Variants in PLCG2 observed in about 807,000 individuals in gnomAD.
The protein encoded by PLCG2 is 1-phosphatidylinositol 4,5-bisphosphate phosphodiesterase gamma-2.
A neutral mutation model predicts 175.6 loss-of-function variants in PLCG2; 69 were observed. That is an observed-to-expected ratio of 0.39 (90% CI 0.32 to 0.48). The LOEUF (loss-of-function observed/expected upper bound fraction) is 0.48. Among genes scored for constraint, PLCG2 ranks in the 20% least tolerant of loss-of-function variants. The pLI is 0.91. For missense variants in PLCG2, 1,798 were observed against 1,650.9 expected (o/e 1.09, Z -1.54); for synonymous variants, 827 against 624.0 (o/e 1.33, Z -4.85).
At chr16:81,846,781 C>T (rs72832066) in intron 2 of PLCG2, among the ~76,000 whole-genome samples, 4,420 of 152,272 alleles carry the variant, frequency 0.029, 80 homozygotes, top group South Asian at 0.044. Flanking sequence ...AATTCACATT[C>T]AATACAGCAC....
At chr16:81,873,985 A>G (rs1907645388) in intron 7 of PLCG2, among the ~76,000 whole-genome samples, 1 of 152,180 alleles carries the variant, frequency 6.6e-6, no homozygotes, top group Non-Finnish European at 1.5e-5. Context: ...ACAAAATGTC[A>G]GAACCCTCTG....
At chr16:81,916,580 AT>A (rs879866539) in intron 19 of PLCG2, among the ~76,000 whole-genome samples, 6 of 123,528 alleles carry the variant, frequency 4.9e-5, no homozygotes, top group African/African-American at 2.6e-5. Context: ...ACACTTAACC[AT>A]TTTTTTTTTG....
chr16:81,935,857 T>C, intron 26 of PLCG2: 1 of 985,236 alleles, frequency 1.0e-6, no homozygotes, highest in Non-Finnish European at 1.2e-6. Flanking sequence ...CCATTCTCCC[T>C]CTTCTATAAC....
chr16:81,895,984 A>G, intron 13 of PLCG2, 57 bp downstream of exon 13: 3 of 1,604,742 alleles, frequency 1.9e-6, no homozygotes, highest in Non-Finnish European at 2.6e-6. Context: ...CTAGGGTTGG[A>G]TAGACAGATG....
chr16:81,801,273 A>G (rs1033397434), intron 2 of PLCG2, among the ~76,000 whole-genome samples: 1 of 152,118 alleles, frequency 6.6e-6, no homozygotes, highest in Non-Finnish European at 1.5e-5. Flanking sequence ...TCTCATAAGT[A>G]CCCTTCCCTC....
intron 2 of PLCG2, among the ~76,000 whole-genome samples, chr16:81,770,381 T>A (rs1910251543): frequency 6.6e-6 from 1 of 152,182 alleles, no homozygotes; most frequent in Non-Finnish European, 1.5e-5. Context: ...AAGAGAAAAG[T>A]CAGAGACATG....
chr16:81,740,347 A>G (rs1346459455), intron 1 of PLCG2: 1 of 152,128 alleles, frequency 6.6e-6, no homozygotes, highest in Non-Finnish European at 1.5e-5. Context: ...CAATGACTGC[A>G]TCCCAGTGCT....
chr16:81,744,168 T>C (rs1909656813), intron 1 of PLCG2, among the ~76,000 whole-genome samples: 1 of 145,838 alleles, frequency 6.9e-6, no homozygotes, highest in Non-Finnish European at 1.5e-5. Context: ...AACTTCCCTT[T>C]TTTTTTTTTT....
intron 3 of PLCG2, among the ~76,000 whole-genome samples, chr16:81,854,997 G>A (rs188901598): frequency 3.3e-5 from 5 of 152,152 alleles, no homozygotes; most frequent in East Asian, 1.9e-4. Context: ...ATCACTTGAG[G>A]TCAGGAGTTT....
intron 24 of PLCG2, among the ~76,000 whole-genome samples, chr16:81,929,761 G>A (rs887882429): frequency 2.6e-4 from 40 of 152,300 alleles, no homozygotes; most frequent in African/African-American, 9.6e-4. Context: ...GTAGGAGAGG[G>A]ATTCTTTGCT....
intron 5 of PLCG2, among the ~76,000 whole-genome samples, chr16:81,867,152 C>T (rs1367327845): frequency 6.6e-6 from 1 of 152,228 alleles, no homozygotes; most frequent in African/African-American, 2.4e-5. Context: ...GCCAGAGTCA[C>T]ACTGGACCGT....
Position 81,936,149 on chromosome 16 carries a change from AC to A in PLCG2, c.2843-18del. 4 of 1,613,080 alleles carry A rather than the reference AC, an allele frequency of 2.5e-6. No individual in the cohort carries two copies. Among genetic ancestry groups the A allele is most frequent in the Non-Finnish European group, 3.4e-6 (4 of 1,179,828 alleles). On this transcript the variant is annotated intron_variant, in intron 26 of 32. Coordinates refer to ENST00000564138, the MANE Select transcript of PLCG2 (RefSeq NM_002661.5). The stretch of plus-strand genomic sequence containing the variant: ...CAGATGAGACACAGAAGTACTGATG[AC>A]CTTTTTCTCTGTGTGCAGAAAATCC...
At chr16:81,907,036 C>CAAAA (rs56697259) in intron 15 of PLCG2, among the ~76,000 whole-genome samples, 1 of 96,736 alleles carries the variant, frequency 1.0e-5, no homozygotes, top group African/African-American at 4.1e-5. Flanking sequence ...GACTCTGTCT[C>CAAAA]AAAAAAAAAA....
intron 18 of PLCG2, among the ~76,000 whole-genome samples, chr16:81,910,968 G>C (rs1325105610): frequency 6.6e-6 from 1 of 151,836 alleles, no homozygotes; most frequent in Non-Finnish European, 1.5e-5. Flanking sequence ...TCATAGCCCC[G>C]AGACTTTGGG....
chr16:81,872,122 G>A (rs1907545311), intron 7 of PLCG2, among the ~76,000 whole-genome samples: 1 of 152,158 alleles, frequency 6.6e-6, no homozygotes, highest in Non-Finnish European at 1.5e-5. Flanking sequence ...GAGGTCAGGA[G>A]TTTGAGATGA....
At chr16:81,767,537 C>T (rs1403598693) in intron 2 of PLCG2, 1 of 152,256 alleles carries the variant, frequency 6.6e-6, no homozygotes. Context: ...ACTTCTTCTT[C>T]TTCTCTTTGG....
chr16:81,946,004 C>T (rs1201943040), intron 30 of PLCG2, among the ~76,000 whole-genome samples, 171 bp from the exon 31 acceptor site: 9 of 152,186 alleles, frequency 5.9e-5, no homozygotes, highest in African/African-American at 2.2e-4. Context: ...CGGCCTCTGT[C>T]CCTAACCATC....
Position 81,894,991 on chromosome 16 carries a change from T to C in PLCG2, c.1073-816T>C, listed in dbSNP as rs142914707. On this transcript the variant is annotated intron_variant, in intron 12 of 32. Coordinates refer to ENST00000564138, the MANE Select transcript of PLCG2 (RefSeq NM_002661.5). ...GCAACGTTTTGTAGCAGTTACTCTA[T>C]AGACTTTCTTCCCGTTTATGATTTT... 5.3e-3 allele frequency among the ~76,000 whole-genome samples: 800 copies of C among 152,354 alleles called. 8 individuals carry two copies. The highest frequency in any genetic ancestry group is 0.018 in the African/African-American group (749 of 41,580).
chr16:81,929,408 C>G (rs1910408442), intron 24 of PLCG2, among the ~76,000 whole-genome samples: 1 of 152,156 alleles, frequency 6.6e-6, no homozygotes, highest in Non-Finnish European at 1.5e-5. Flanking sequence ...ATTATTATTT[C>G]TTTTCGCGAT....
Sources: allele counts gnomAD v4.1 joint callset (sites outside exome capture counted in the v4.1 genomes callset), GRCh38; gene constraint gnomAD v4.1.1; transcripts MANE v1.5; gene names NCBI Gene and HGNC (gene_info 2026-07-23, HGNC 2026-07-21).